Variants in SMPD4 observed in about 807,000 individuals in gnomAD.
SMPD4 encodes neutral sphingomyelinase 3.
A neutral mutation model predicts 97.8 loss-of-function variants in SMPD4; 58 were observed. The ratio of observed to expected loss-of-function variants is 0.59; its 90% confidence interval spans 0.48 to 0.74. The LOEUF is 0.74. SMPD4 is among the 30% of genes least tolerant of loss of function. The pLI is 0.00. For missense variants in SMPD4, 853 were observed against 1,080.5 expected (o/e 0.79, Z 2.95); for synonymous variants, 388 against 450.0 (o/e 0.86, Z 1.74).
rs767953370 is a variant in SMPD4 at position 130,153,409 on chromosome 2, G to A, written c.1935C>T (p.Gly645=). Residue 645 remains glycine (G), a synonymous_variant, in exon 18 of 20, where the codon GGC becomes GGT. Transcript: ENST00000680298. The part of the protein sequence containing the change: ...AQLRQFTLAL[G]TTQDENGKKQ... ...TTTTTCCATTCTCATCCTGGGTGGTGCCCAAGGCGAGTGTGAACTGCCTGA... is the reference window on the plus strand; with the variant it reads ...TTTTTCCATTCTCATCCTGGGTGGTACCCAAGGCGAGTGTGAACTGCCTGA... 1 of 1,613,890 alleles carries A rather than the reference G, an allele frequency of 6.2e-7. No homozygotes were observed. Among genetic ancestry groups the A allele is most frequent in the East Asian group, 2.2e-5 (1 of 44,884 alleles).
intron 11 of SMPD4, among the ~76,000 whole-genome samples, chr2:130,160,726 T>C (rs1253475173): frequency 6.6e-6 from 1 of 151,994 alleles, no homozygotes; most frequent in Non-Finnish European, 1.5e-5. Context: ...ACCTCCAGGC[T>C]GGGTGACAGT....
At chr2:130,178,361 A>G (rs1404966301) in intron 1 of SMPD4, among the ~76,000 whole-genome samples, 3 of 152,220 alleles carry the variant, frequency 2.0e-5, no homozygotes, top group African/African-American at 7.2e-5. Flanking sequence ...AGTAAGTGGC[A>G]GAACCAAGAT....
intron 14 of SMPD4, among the ~76,000 whole-genome samples, chr2:130,155,645 G>T (rs1413890811): frequency 2.0e-5 from 3 of 152,068 alleles, no homozygotes; most frequent in Non-Finnish European, 2.9e-5. Context: ...GAAGCCTGGG[G>T]GTCCGCTGTG....
intron 8 of SMPD4, among the ~76,000 whole-genome samples, chr2:130,171,304 T>C (rs1382490813): frequency 3.3e-5 from 5 of 152,072 alleles, no homozygotes; most frequent in South Asian, 2.1e-4. Flanking sequence ...GGTTTCACCA[T>C]GTTGGCTAGG....
chr2:130,181,341 G>A (rs1689596875), intron 1 of SMPD4, 189 bp downstream of exon 1: 2 of 1,431,422 alleles, frequency 1.4e-6, no homozygotes, highest in East Asian at 5.0e-5. Flanking sequence ...GTGGCACAAA[G>A]GCATGGCCCA....
intron 1 of SMPD4, 158 bp downstream of exon 1, chr2:130,181,372 A>G (rs962849345): frequency 3.6e-5 from 52 of 1,445,616 alleles, no homozygotes; most frequent in South Asian, 5.9e-5. Flanking sequence ...AGAAGACTCA[A>G]CCGGGGCCCT....
At chr2:130,157,718 C>A in intron 11 of SMPD4, 1 of 390,768 alleles carries the variant, frequency 2.6e-6, no homozygotes, top group Non-Finnish European at 4.7e-6. Flanking sequence ...GGCTGCAAAT[C>A]CGCAGCGGGT....
chr2:130,170,859 G>C (rs1340250699), intron 8 of SMPD4, among the ~76,000 whole-genome samples: 3 of 151,556 alleles, frequency 2.0e-5, no homozygotes, highest in Non-Finnish European at 4.4e-5. Context: ...TCAGGAGTTT[G>C]AGGCCAGCCT....
rs768942680 is a variant in SMPD4 at position 130,156,073 on chromosome 2, C to A, written c.1251G>T (p.Pro417=). 6.2e-7 allele frequency: 1 copy of A among 1,611,318 alleles called. No homozygotes were observed. Among genetic ancestry groups the A allele is most frequent in the South Asian group, 1.1e-5 (1 of 90,994 alleles). Residue 417 remains proline (P), a synonymous_variant, in exon 14 of 20, where the codon CCG becomes CCT. Coordinates refer to ENST00000680298, the MANE Select transcript of SMPD4 (RefSeq NM_017951.5). The part of the protein sequence containing the change: ...PWRYAPDKQA[P]GSDSQPRCVS... ...CACACCGGGGCTGGGAGTCGCTGCC[C>A]GGAGCCTGCTTGTCAGGCGCGTACC... is the stretch of plus-strand genomic sequence containing the variant.
intron 13 of SMPD4, 124 bp from the exon 14 acceptor site, chr2:130,156,259 G>A (rs533096072): frequency 9.6e-5 from 81 of 841,562 alleles, no homozygotes; most frequent in Non-Finnish European, 4.5e-5. Flanking sequence ...GAGGGCGCAG[G>A]AGAGACATGC....
chr2:130,158,631 G>A (rs986060696), intron 11 of SMPD4, among the ~76,000 whole-genome samples: 46 of 152,294 alleles, frequency 3.0e-4, no homozygotes, highest in Non-Finnish European at 6.5e-4. Flanking sequence ...AGATCTAGCC[G>A]GAGAGGAAAG....
At position 130,156,640 on chromosome 2, in the gene SMPD4, T is replaced by C. The variant is rs1455547838; in HGVS notation, c.1133A>G (p.Tyr378Cys). The change falls in exon 13 of 20, where the codon TAC (tyrosine) becomes TGC (cysteine). Residue 378 changes from tyrosine (Y) to cysteine (C), a missense_variant. Around this residue, in one of 3 missense-constraint regions of SMPD4, gnomAD observed 511 missense variants for 608.1 expected, o/e 0.84. Transcript: ENST00000680298. Reference sequence around the variant, plus strand: ...GCCAAAGCAATGCTGCAAGAAGAGGTAGAGTTTCTGCTGGACGAACCTCGG... The same window carrying C: ...GCCAAAGCAATGCTGCAAGAAGAGGCAGAGTTTCTGCTGGACGAACCTCGG... ...AVPRFVQQKL[Y>C]LFLQHCFGHW... The C allele has an allele frequency of 6.2e-7, 1 of 1,613,740 alleles. No homozygotes were observed. The highest frequency in any genetic ancestry group is 8.5e-7 in the Non-Finnish European group (1 of 1,179,882).
In SMPD4 at chr2:130,153,115, C is replaced by A; in HGVS notation, c.2082G>T (p.Gln694His). The change falls in exon 19 of 20, where the codon CAG becomes CAT. Residue 694 changes from glutamine to histidine, a missense_variant. Physicochemically the swap from Gln to His is conservative, Grantham distance 24 (BLOSUM62 0). Around this residue, in one of 3 missense-constraint regions of SMPD4, gnomAD observed 511 missense variants for 608.1 expected, o/e 0.84. Coordinates refer to ENST00000680298, the MANE Select transcript of SMPD4 (RefSeq NM_017951.5). ...TGGCGATCTCATAGCTCCGGATGGG[C>A]TGCAGCTCCGGGTCCCCCTGGTACT... ...EIEYQGDPELQPIRSYEIASL... is the reference protein window; with the variant it reads ...EIEYQGDPELHPIRSYEIASL... The A allele has an allele frequency of 6.2e-7, 1 of 1,613,844 alleles. No homozygotes were observed. The highest frequency in any genetic ancestry group is 8.5e-7 in the Non-Finnish European group (1 of 1,180,008).
intron 10 of SMPD4, among the ~76,000 whole-genome samples, chr2:130,161,896 A>G (rs1010697264): frequency 8.5e-5 from 13 of 152,236 alleles, no homozygotes; most frequent in Admixed American, 7.2e-4. Context: ...GGTATAAGAC[A>G]TGATTGATTC....
Position 130,155,080 on chromosome 2 carries a change from C to T in SMPD4, c.1453+16G>A. 6.2e-7 allele frequency: 1 copy of T among 1,613,778 alleles called. No homozygotes were observed. Among genetic ancestry groups the T allele is most frequent in the Non-Finnish European group, 8.5e-7 (1 of 1,179,842 alleles). On this transcript the variant is annotated intron_variant, in intron 15 of 19. Transcript: ENST00000680298. Reference sequence around the variant, plus strand: ...TGGGTTGACGTATACCGGGCTGGCCCAGGCTGAGGACTTACCTTTCTGAAT... The same window carrying T: ...TGGGTTGACGTATACCGGGCTGGCCTAGGCTGAGGACTTACCTTTCTGAAT...
chr2:130,168,087 T>C (rs960195143), intron 8 of SMPD4, among the ~76,000 whole-genome samples: 7 of 152,174 alleles, frequency 4.6e-5, no homozygotes, highest in African/African-American at 1.7e-4. Context: ...GTGCCTGTAG[T>C]CCTAGCTACT....
rs370472762 is a variant in SMPD4 at position 130,152,853 on chromosome 2, C to T, written c.2186G>A (p.Arg729Gln). 2.9e-5 allele frequency: 46 copies of T among 1,589,684 alleles called. No homozygotes were observed. Among genetic ancestry groups the T allele is most frequent in the Admixed American group, 1.5e-4 (9 of 58,260 alleles). ...FAGQMAALCS[R>Q]DDFLGSFCRY... ...ACAGAAGCTGCCGAGGAAGTCATCC[C>T]GGGAACACAGAGCCGCCATCTGTCC... is the stretch of plus-strand genomic sequence containing the variant. Residue 729 changes from arginine (R) to glutamine (Q), a missense_variant, in exon 20 of 20, where the codon CGG (arginine) becomes CAG (glutamine). Arg to Gln is a conservative substitution (Grantham distance 43). Coordinates refer to ENST00000680298, the MANE Select transcript of SMPD4 (RefSeq NM_017951.5).
chr2:130,168,536 T>TC (rs1260310710), intron 8 of SMPD4, among the ~76,000 whole-genome samples: 2 of 151,724 alleles, frequency 1.3e-5, no homozygotes, highest in African/African-American at 4.9e-5. Flanking sequence ...CAATTTTTTT[T>TC]TGAGACAGGA....
rs960988783 is a variant in SMPD4 at position 130,153,183 on chromosome 2, G to A, written c.2026-12C>T. 6.2e-7 allele frequency: 1 copy of A among 1,613,748 alleles called. No individual in the cohort carries two copies. The highest frequency in any genetic ancestry group is 1.3e-5 in the African/African-American group (1 of 75,040). The stretch of plus-strand genomic sequence containing the variant: ...AGCCCATTGATGATCTAGAAAGCCA[G>A]GCCATGGGGATGGGTCAGAAAACAC... On this transcript the variant is annotated splice_polypyrimidine_tract_variant and intron_variant, in intron 18 of 19. Coordinates refer to ENST00000680298, the MANE Select transcript of SMPD4 (RefSeq NM_017951.5).
Sources: allele counts gnomAD v4.1 joint callset (sites outside exome capture counted in the v4.1 genomes callset), GRCh38; gene constraint gnomAD v4.1.1; regional missense constraint gnomAD v4.1.1; transcripts MANE v1.5; gene names NCBI Gene and HGNC (gene_info 2026-07-23, HGNC 2026-07-21).